The following UBC variants were observed in gnomAD, a reference collection of about 807,000 sequenced individuals.
UBC encodes the protein polyubiquitin-C.
UBC carries 8 observed loss-of-function variants against 34.7 expected under a neutral mutation model. The observed-to-expected ratio is 0.23, with a 90% CI of 0.14 to 0.42. The LOEUF (loss-of-function observed/expected upper bound fraction) is 0.42, where lower values mean the gene tolerates loss of function less well. UBC is among the 10% of genes least tolerant of loss of function. The pLI, the probability that UBC is intolerant of heterozygous loss-of-function variation, is 1.00. For synonymous variants in UBC, 367 were observed against 299.8 expected (o/e 1.22, Z -2.32); for missense variants, 323 against 750.3 (o/e 0.43, Z 6.65).
At position 124,913,279 on chromosome 12, in the gene UBC, T is replaced by C. The variant is rs782274305; in HGVS notation, c.493A>G (p.Ile165Val). 6.2e-7 allele frequency: 1 copy of C among 1,610,882 alleles called. No homozygotes were observed. The highest frequency in any genetic ancestry group is 8.5e-7 in the Non-Finnish European group (1 of 1,178,608). ...TCACTGGGCTCCACCTCGAGGGTGA[T>C]GGTCTTACCAGTCAGGGTCTTCACG... ...IFVKTLTGKT[I>V]TLEVEPSDTI... Residue 165 changes from isoleucine to valine, a missense_variant, in exon 2 of 2, where the codon ATC becomes GTC. By Grantham distance (29) the Ile-to-Val change is conservative. Around this residue, in one of 5 missense-constraint regions of UBC, gnomAD observed 202 missense variants for 361.9 expected, o/e 0.56. Transcript: ENST00000339647.
Position 124,912,903 on chromosome 12 carries a change from T to A in UBC, c.869A>T (p.Gln290Leu). 1 of 1,609,456 alleles carries A rather than the reference T, an allele frequency of 6.2e-7. No individual in the cohort carries two copies. Reference sequence around the variant, plus strand: ...CACCAGGTGCAGGGTAGACTCTTTCTGGATGTTGTAGTCAGACAGGGTGCG... The same window carrying A: ...CACCAGGTGCAGGGTAGACTCTTTCAGGATGTTGTAGTCAGACAGGGTGCG... ...DGRTLSDYNI[Q>L]KESTLHLVLR... The change falls in exon 2 of 2, where the codon CAG (glutamine) becomes CTG (leucine). Residue 290 changes from glutamine to leucine, a missense_variant. Physicochemically the swap from Gln to Leu is moderately radical, Grantham distance 113. This residue lies in a region of UBC where 202 missense variants were observed against 361.9 expected (regional missense o/e 0.56). Coordinates refer to ENST00000339647, the MANE Select transcript of UBC (RefSeq NM_021009.7).
chr12:124,914,454 C>G (rs759868404), intron 1 of UBC, 133 bp downstream of exon 1: 1 of 155,654 alleles, frequency 6.4e-6, no homozygotes, highest in African/African-American at 2.4e-5. Flanking sequence ...GCGCTCCCCC[C>G]AACCCCCAGT....
chr12:124,913,143 T>C lies in UBC; in HGVS notation c.629A>G (p.Asp210Gly). Residue 210 changes from aspartate (D) to glycine (G), a missense_variant, in exon 2 of 2, where the codon GAC becomes GGC. By Grantham distance (94) the Asp-to-Gly change is moderately conservative. Around this residue, in one of 5 missense-constraint regions of UBC, gnomAD observed 202 missense variants for 361.9 expected, o/e 0.56. Coordinates refer to ENST00000339647, the MANE Select transcript of UBC (RefSeq NM_021009.7). ...GGTGGACTCTTTCTGGATGTTGTAG[T>C]CAGACAGGGTACGACCATCTTCCAG... ...KQLEDGRTLS[D>G]YNIQKESTLH... The C allele has an allele frequency of 1.2e-6, 2 of 1,609,292 alleles. No homozygotes were observed. The highest frequency in any genetic ancestry group is 1.7e-6 in the Non-Finnish European group (2 of 1,178,046).
chr12:124,912,686 G>A lies in UBC; in HGVS notation c.1086C>T (p.Asp362=), dbSNP rs557756736. The A allele has an allele frequency of 1.6e-5, 26 of 1,611,306 alleles. No homozygotes were observed. In the South Asian group the frequency reaches 2.1e-4, roughly 13 times the overall value. Residue 362 remains aspartate (D), a synonymous_variant, in exon 2 of 2, where the codon GAC becomes GAT. Coordinates refer to ENST00000339647, the MANE Select transcript of UBC (RefSeq NM_021009.7). ...AGGTGGACTCTTTCTGGATGTTGTA[G>A]TCAGACAGGGTACGACCATCTTCCA... is the stretch of plus-strand genomic sequence containing the variant. ...KQLEDGRTLS[D]YNIQKESTLH...
At position 124,913,373 on chromosome 12, in the gene UBC, A is replaced by G. The variant is rs1404559319; in HGVS notation, c.399T>C (p.Ser133=). 1.2e-6 allele frequency: 2 copies of G among 1,609,624 alleles called. No homozygotes were observed. Among genetic ancestry groups the G allele is most frequent in the Non-Finnish European group, 1.7e-6 (2 of 1,178,748 alleles). The stretch of plus-strand genomic sequence containing the variant: ...TAGACTCTTTCTGGATGTTGTAGTC[A>G]GACAGGGTGCGCCCATCTTCCAGCT... ...GKQLEDGRTL[S]DYNIQKESTL... The change falls in exon 2 of 2, where the codon TCT becomes TCC. Residue 133 remains serine, a synonymous_variant. Coordinates refer to ENST00000339647, the MANE Select transcript of UBC (RefSeq NM_021009.7).
chr12:124,913,992 T>C (rs924018669), intron 1 of UBC: 29 of 681,212 alleles, frequency 4.3e-5, no homozygotes, highest in Non-Finnish European at 6.6e-5. Context: ...GCCTCACTTA[T>C]CCCTCCCCTC....
chr12:124,914,629 A>T lies in UBC; in HGVS notation c.-46T>A, dbSNP rs1221588445. ...GATCCACAAACAAGAACTGCGACCC[A>T]AATCCCGGCTGCGACGGAACTAGCT... On this transcript the variant is annotated 5_prime_UTR_variant, in exon 1 of 2. Coordinates refer to ENST00000339647, the MANE Select transcript of UBC (RefSeq NM_021009.7). 2 of 152,306 alleles carry T rather than the reference A, an allele frequency of 1.3e-5. No homozygotes were observed. The highest frequency in any genetic ancestry group is 4.8e-5 in the African/African-American group (2 of 41,450). The allele number at this position is 152,306 out of a possible 1,614,324, so 9.4% of individuals were successfully genotyped here.
At position 124,911,701 on chromosome 12, in the gene UBC, T is replaced by C; in HGVS notation, c.*13A>G. 1 of 1,611,236 alleles carries C rather than the reference T, an allele frequency of 6.2e-7. No homozygotes were observed. The highest frequency in any genetic ancestry group is 8.5e-7 in the Non-Finnish European group (1 of 1,179,176). On this transcript the variant is annotated 3_prime_UTR_variant, in exon 2 of 2. Coordinates refer to ENST00000339647, the MANE Select transcript of UBC (RefSeq NM_021009.7). ...AGTGCAATGAAATTTGTTGAAACCT[T>C]AAAAGGGGAAACTTAGACACCCCCC...
At position 124,912,605 on chromosome 12, in the gene UBC, A is replaced by G. The variant is rs568524038; in HGVS notation, c.1167T>C (p.Thr389=). The G allele has an allele frequency of 1.9e-6, 3 of 1,605,578 alleles. No homozygotes were observed. Among genetic ancestry groups the G allele is most frequent in the South Asian group, 2.2e-5 (2 of 90,572 alleles). ...GGMQIFVKTL[T]GKTITLEVEP... is the part of the protein sequence containing the mutation. ...CCACCTCGAGAGTGATGGTCTTACC[A>G]GTCAGGGTCTTCACGAAGATCTGCA... is the stretch of plus-strand genomic sequence containing the variant. The change falls in exon 2 of 2, where the codon ACT becomes ACC. Residue 389 remains threonine (T), a synonymous_variant. Transcript: ENST00000339647.
At chr12:124,914,087 C>T in intron 1 of UBC, 1 of 397,690 alleles carries the variant, frequency 2.5e-6, no homozygotes, top group Non-Finnish European at 4.6e-6. Flanking sequence ...GCCTACCGCA[C>T]ACCTACCGGC....
chr12:124,912,697 T>C lies in UBC; in HGVS notation c.1075A>G (p.Thr359Ala). ...TTCTGGATGTTGTAGTCAGACAGGG[T>C]ACGACCATCTTCCAGCTGTTTTCCG... is the stretch of plus-strand genomic sequence containing the variant. ...FAGKQLEDGRTLSDYNIQKES... is the reference protein window; with the variant it reads ...FAGKQLEDGRALSDYNIQKES... Residue 359 changes from threonine (T) to alanine (A), a missense_variant, in exon 2 of 2, where the codon ACC (threonine) becomes GCC (alanine). By Grantham distance (58) the Thr-to-Ala change is moderately conservative. Coordinates refer to ENST00000339647, the MANE Select transcript of UBC (RefSeq NM_021009.7). 2 of 1,609,264 alleles carry C rather than the reference T, an allele frequency of 1.2e-6. No homozygotes were observed. The highest frequency in any genetic ancestry group is 1.1e-5 in the South Asian group (1 of 90,822).
intron 1 of UBC, chr12:124,914,177 G>T (rs58841173): frequency 0.019 from 4,540 of 240,720 alleles, 198 homozygotes; most frequent in African/African-American, 0.086. Flanking sequence ...CCAAAGGTAC[G>T]GGTGCACTGC....
Position 124,911,973 on chromosome 12 carries a change from T to G in UBC, c.1799A>C (p.His600Pro), listed in dbSNP as rs1270680407. The part of the protein sequence containing the change: ...DYNIQKESTL[H>P]LVLRLRGGMQ... ...CCCACCTCTGAGACGGAGCACCAGG[T>G]GCAGGGTGGACTCTTTCTGGATGTT... The change falls in exon 2 of 2, where the codon CAC becomes CCC. Residue 600 changes from histidine to proline, a missense_variant. Around this residue, in one of 5 missense-constraint regions of UBC, gnomAD observed 49 missense variants for 112.6 expected, o/e 0.44. Coordinates refer to ENST00000339647, the MANE Select transcript of UBC (RefSeq NM_021009.7). The G allele has an allele frequency of 6.3e-7, 1 of 1,590,076 alleles. No individual in the cohort carries two copies. Among genetic ancestry groups the G allele is most frequent in the South Asian group, 1.1e-5 (1 of 89,538 alleles).
In UBC at chr12:124,912,740, C is replaced by T. The variant is rs779853308; in HGVS notation, c.1032G>A (p.Gln344=). The T allele has an allele frequency of 5.6e-6, 9 of 1,606,886 alleles. No individual in the cohort carries two copies. The highest frequency in any genetic ancestry group is 1.1e-5 in the South Asian group (1 of 90,666). Residue 344 remains glutamine, a synonymous_variant, in exon 2 of 2, where the codon CAG becomes CAA. Transcript: ENST00000339647. ...GTTTTCCGGCAAAGATCAACCTCTG[C>T]TGGTCAGGAGGGATGCCTTCCTTGT... ...IQDKEGIPPD[Q]QRLIFAGKQL...
intron 1 of UBC, 188 bp from the exon 2 acceptor site, chr12:124,913,962 A>G: frequency 1.1e-6 from 1 of 908,556 alleles, no homozygotes; most frequent in Non-Finnish European, 1.6e-6. Context: ...AGGTACATAA[A>G]ACCGACCAGA....
In UBC at chr12:124,911,980, T is replaced by C; in HGVS notation, c.1792A>G (p.Thr598Ala). 1.3e-6 allele frequency: 2 copies of C among 1,584,106 alleles called. No homozygotes were observed. The highest frequency in any genetic ancestry group is 8.6e-7 in the Non-Finnish European group (1 of 1,163,238). ...LSDYNIQKESTLHLVLRLRGG... is the reference protein window; with the variant it reads ...LSDYNIQKESALHLVLRLRGG... Reference sequence around the variant, plus strand: ...CTGAGACGGAGCACCAGGTGCAGGGTGGACTCTTTCTGGATGTTGTAGTCA... The same window carrying C: ...CTGAGACGGAGCACCAGGTGCAGGGCGGACTCTTTCTGGATGTTGTAGTCA... The change falls in exon 2 of 2, where the codon ACC (threonine) becomes GCC (alanine). Residue 598 changes from threonine to alanine, a missense_variant. This residue lies in a region of UBC where 49 missense variants were observed against 112.6 expected (regional missense o/e 0.44). Coordinates refer to ENST00000339647, the MANE Select transcript of UBC (RefSeq NM_021009.7).
rs370055957 is a variant in UBC, at chr12:124,913,220, A to G, written c.552T>C (p.Asp184=). 9.4e-4 allele frequency: 1,482 copies of G among 1,574,316 alleles called. 32 individuals are homozygous for G. The East Asian group carries it at 0.022, about 24-fold the overall frequency. The part of the protein sequence containing the change: ...TIENVKAKIQ[D]KEGIPPDQQR... ...GCTGATCAGGAGGAATGCCTTCCTT[A>G]TCTTGGATCTTTGCCTTGACATTCT... is the stretch of plus-strand genomic sequence containing the variant. The change falls in exon 2 of 2, where the codon GAT becomes GAC. Residue 184 remains aspartate, a synonymous_variant. Transcript: ENST00000339647.
Position 124,913,453 on chromosome 12 carries a change from G to C in UBC, c.319C>G (p.Gln107Glu), listed in dbSNP as rs758899091. The change falls in exon 2 of 2, where the codon CAG (glutamine) becomes GAG (glutamate). Residue 107 changes from glutamine (Q) to glutamate (E), a missense_variant. By Grantham distance (29) the Gln-to-Glu change is conservative. This residue lies in a region of UBC where 202 missense variants were observed against 361.9 expected (regional missense o/e 0.56). Transcript: ENST00000339647. ...DTIENVKAKIQDKEGIPPDQQ... is the reference protein window; with the variant it reads ...DTIENVKAKIEDKEGIPPDQQ... ...TCAGGAGGAATGCCTTCCTTGTCCT[G>C]GATCTTTGCTTTGACGTTCTCGATG... The C allele has an allele frequency of 6.2e-7, 1 of 1,611,834 alleles. No homozygotes were observed. Among genetic ancestry groups the C allele is most frequent in the Non-Finnish European group, 8.5e-7 (1 of 1,179,448 alleles).
rs1953566738 is a variant in UBC, at chr12:124,913,897, C to G, written c.-3-123G>C. 4 of 1,444,200 alleles carry G rather than the reference C, an allele frequency of 2.8e-6. No individual in the cohort carries two copies. The South Asian group carries it at 4.1e-5, about 15-fold the overall frequency. 89.5% of individuals were successfully genotyped at this position (1,444,200 alleles called of 1,614,324 possible). A position where few individuals can be genotyped will look rare whatever the true frequency, so the allele number is the denominator to read the frequency against. On this transcript the variant is annotated intron_variant, in intron 1 of 1. Transcript: ENST00000339647. ...TGCCTAAAAAACTTCACAAAACACA[C>G]TCGCCAACCCCGAGCGCATAGTTCA...
Sources: allele counts gnomAD v4.1 joint callset, GRCh38; gene constraint gnomAD v4.1.1; regional missense constraint gnomAD v4.1.1; transcripts MANE v1.5; gene names NCBI Gene and HGNC (gene_info 2026-07-23, HGNC 2026-07-21).